The following SLC35F3 variants were observed in gnomAD, a reference collection of about 807,000 sequenced individuals.
The protein encoded by SLC35F3 is solute carrier family 35 member F3.
Under a neutral mutation model 49.9 loss-of-function variants are expected in SLC35F3, and 25 were observed. The ratio of observed to expected loss-of-function variants is 0.50; its 90% CI spans 0.37 to 0.70. SLC35F3 has a LOEUF of 0.70. SLC35F3 is among the 30% of genes least tolerant of loss of function. SLC35F3 has a pLI of 0.00. For missense variants in SLC35F3, 525 were observed against 639.8 expected, an observed-to-expected ratio of 0.82 and a Z score of 1.94; for synonymous variants, 275 against 265.4, an observed-to-expected ratio of 1.04 and a Z score of -0.35.
At chr1:234,129,495 A>G (rs566245739) in intron 2 of SLC35F3, among the ~76,000 whole-genome samples, 63 of 152,344 alleles carry the variant, frequency 4.1e-4, no homozygotes, top group African/African-American at 1.5e-3. Context: ...GGAAGACTCA[A>G]CATTTAGATG....
intron 2 of SLC35F3, among the ~76,000 whole-genome samples, chr1:234,007,399 G>A (rs1663645859): frequency 6.6e-6 from 1 of 152,162 alleles, no homozygotes; most frequent in African/African-American, 2.4e-5. Flanking sequence ...GGAACACCCA[G>A]GGCCAAGTTC....
intron 2 of SLC35F3, among the ~76,000 whole-genome samples, chr1:234,194,530 C>T (rs1170412844): frequency 2.0e-5 from 3 of 152,030 alleles, no homozygotes; most frequent in Admixed American, 2.0e-4. Flanking sequence ...CCAAAATCTC[C>T]CAAATCACCA....
At position 234,231,800 on chromosome 1, in the gene SLC35F3, C is replaced by T. The variant is rs1667382600; in HGVS notation, c.608+59C>T. The stretch of plus-strand genomic sequence containing the variant: ...CCCGGGCTGCTCCATCCAGCGCTGA[C>T]TCTGCAGAGCTGCCCCTGGTGGCAG... On this transcript the variant is annotated intron_variant, in intron 3 of 7. Transcript: ENST00000366618. This position sits in a 1 kb window ranked among gnomAD's most constrained non-coding sequence, Gnocchi z 5.4. 6 of 1,483,752 alleles carry T rather than the reference C, an allele frequency of 4.0e-6. No individual in the cohort carries two copies. The highest frequency in any genetic ancestry group is 1.8e-4 in the Middle Eastern group (1 of 5,430). The allele number at this position is 1,483,752 out of a possible 1,614,324, so 91.9% of individuals were successfully genotyped here. A position where few individuals can be genotyped will look rare whatever the true frequency, so the allele number is the denominator to read the frequency against.
chr1:234,277,134 G>T (rs1668225058), intron 3 of SLC35F3, among the ~76,000 whole-genome samples: 1 of 152,194 alleles, frequency 6.6e-6, no homozygotes, highest in South Asian at 2.1e-4. Flanking sequence ...CCCAGCCCTT[G>T]GCTCTTCACA....
chr1:234,298,692 T>C (rs950986493), intron 3 of SLC35F3, among the ~76,000 whole-genome samples: 1 of 152,228 alleles, frequency 6.6e-6, no homozygotes, highest in Non-Finnish European at 1.5e-5. Context: ...GCCACTATTA[T>C]AACTCTTCTC....
chr1:233,935,684 G>T (rs952220548), intron 2 of SLC35F3, among the ~76,000 whole-genome samples: 10 of 152,264 alleles, frequency 6.6e-5, no homozygotes, highest in African/African-American at 1.9e-4. Context: ...TCTGTCTCTT[G>T]CCCTGCCCCA....
chr1:234,048,313 A>G (rs1664323702), intron 2 of SLC35F3, among the ~76,000 whole-genome samples: 1 of 152,216 alleles, frequency 6.6e-6, no homozygotes, highest in Non-Finnish European at 1.5e-5. Context: ...TCTGGAGAGA[A>G]CAACAAAGAT....
chr1:233,937,110 C>T (rs1463337692), intron 2 of SLC35F3, among the ~76,000 whole-genome samples: 1 of 152,142 alleles, frequency 6.6e-6, no homozygotes, highest in East Asian at 1.9e-4. Context: ...CAACACTTGG[C>T]ACCAGCATCA....
At chr1:234,258,496 C>A (rs1464306515) in intron 3 of SLC35F3, among the ~76,000 whole-genome samples, 1 of 152,336 alleles carries the variant, frequency 6.6e-6, no homozygotes, top group Admixed American at 6.5e-5. Flanking sequence ...TTAACTATGC[C>A]TAGGTCTTAG....
At chr1:234,313,456 A>G (rs1226302299) in intron 4 of SLC35F3, among the ~76,000 whole-genome samples, 1 of 152,142 alleles carries the variant, frequency 6.6e-6, no homozygotes, top group East Asian at 1.9e-4. Flanking sequence ...GGAAGATGCT[A>G]AGCAGTAATC....
rs568614179 is a variant in SLC35F3 at position 234,219,986 on chromosome 1, C to T, written c.284-11431C>T. Among the ~76,000 whole-genome samples the T allele has an allele frequency of 4.6e-5, 7 of 152,118 alleles. No individual in the cohort carries two copies. In the East Asian group the frequency reaches 7.7e-4, roughly 17 times the overall value. On this transcript the variant is annotated intron_variant, in intron 2 of 7. Transcript: ENST00000366618. ...CAGCAGGCAGTCTACTGGGCCAGAG[C>T]GTAGTGATCAGAAGAAGCAGGAGGA...
intron 3 of SLC35F3, among the ~76,000 whole-genome samples, chr1:234,251,429 T>A (rs1460292411): frequency 7.6e-6 from 1 of 131,440 alleles, no homozygotes. Context: ...AGAAACTATA[T>A]ATATAGAAGA....
chr1:234,315,022 T>C (rs895122806), intron 4 of SLC35F3, among the ~76,000 whole-genome samples: 2 of 152,230 alleles, frequency 1.3e-5, no homozygotes, highest in African/African-American at 4.8e-5. Context: ...ATGGTCTTGC[T>C]ATCTCTGTTT....
intron 2 of SLC35F3, among the ~76,000 whole-genome samples, chr1:234,143,969 G>A (rs750133944): frequency 1.3e-5 from 2 of 152,108 alleles, no homozygotes; most frequent in Non-Finnish European, 2.9e-5. Flanking sequence ...TAGGGATATA[G>A]GAATGGCTTA....
At chr1:233,954,178 T>C (rs1466981466) in intron 2 of SLC35F3, among the ~76,000 whole-genome samples, 1 of 152,162 alleles carries the variant, frequency 6.6e-6, no homozygotes, top group Non-Finnish European at 1.5e-5. Context: ...GGGTAATTTT[T>C]TGTATTTTTA....
chr1:233,923,510 TTTGCTGAAG>T (rs1662102870), intron 2 of SLC35F3, among the ~76,000 whole-genome samples: 1 of 152,252 alleles, frequency 6.6e-6, no homozygotes, highest in Admixed American at 6.5e-5. Flanking sequence ...ATCCTGAGAC[TTTGCTGAAG>T]TTGCCTATCA....
At chr1:234,172,503 A>C (rs758355907) in intron 2 of SLC35F3, among the ~76,000 whole-genome samples, 22 of 152,360 alleles carry the variant, frequency 1.4e-4, no homozygotes, top group Non-Finnish European at 2.9e-4. Context: ...CTAGGATTAC[A>C]GGTGTGAGGC....
intron 2 of SLC35F3, among the ~76,000 whole-genome samples, chr1:234,011,673 T>G (rs1280587274): frequency 1.3e-5 from 2 of 152,154 alleles, no homozygotes; most frequent in Admixed American, 1.3e-4. Context: ...CACGTAGACA[T>G]GGAGACAACA....
chr1:234,248,823 G>A (rs1667687928), intron 3 of SLC35F3, among the ~76,000 whole-genome samples: 1 of 152,170 alleles, frequency 6.6e-6, no homozygotes, highest in Admixed American at 6.5e-5. Context: ...GGTGACCAAG[G>A]TGTCTTCCCA....
Sources: allele counts gnomAD v4.1 joint callset (sites outside exome capture counted in the v4.1 genomes callset), GRCh38; gene constraint gnomAD v4.1.1; non-coding constraint Gnocchi (gnomAD v3.1); transcripts MANE v1.5; gene names NCBI Gene and HGNC (gene_info 2026-07-23, HGNC 2026-07-21).